The following PACRG variants were observed in gnomAD, a reference collection of about 807,000 sequenced individuals.
The protein encoded by PACRG is parkin coregulated gene protein.
In PACRG, 29 loss-of-function variants were observed where a neutral mutation model predicts 29.7. The ratio of observed to expected loss-of-function variants is 0.98; its 90% CI spans 0.73 to 1.33. The LOEUF (loss-of-function observed/expected upper bound fraction) is 1.33. Among genes scored for constraint, PACRG ranks in the 40% most tolerant of loss-of-function variants. PACRG has a pLI of 0.00. For synonymous variants in PACRG, 116 were observed against 118.7 expected (o/e 0.98, Z 0.15); for missense variants, 279 against 316.2 (o/e 0.88, Z 0.89).
At chr6:163,254,325 A>C (rs1454939637) in intron 4 of PACRG, among the ~76,000 whole-genome samples, 1 of 152,084 alleles carries the variant, frequency 6.6e-6, no homozygotes, top group Non-Finnish European at 1.5e-5. Context: ...AAGGGGGAGG[A>C]GGATGGGAGG....
At chr6:162,859,278 T>G (rs1028751569) in intron 2 of PACRG, among the ~76,000 whole-genome samples, 1 of 152,210 alleles carries the variant, frequency 6.6e-6, no homozygotes, top group Admixed American at 6.5e-5. Flanking sequence ...AACATCTAAT[T>G]ATTGGTTTTA....
In PACRG at chr6:162,747,364, AC is replaced by A. The variant is rs1781105412; in HGVS notation, c.156+18974del. On this transcript the variant is annotated intron_variant, in intron 1 of 4. Coordinates refer to ENST00000366888, the MANE Select transcript of PACRG (RefSeq NM_001080379.2). ...TATATATATATATATATATATATAT[AC>A]ACATACATATATATGTATATATATG... Among the ~76,000 whole-genome samples, 32 of 45,122 alleles carry A rather than the reference AC, an allele frequency of 7.1e-4. 3 individuals carry two copies. The highest frequency in any genetic ancestry group is 2.5e-3 in the Admixed American group (8 of 3,186). The allele number at this position is 45,122 out of a possible 152,430, so 29.6% of individuals were successfully genotyped here. A position where few individuals can be genotyped will look rare whatever the true frequency, so the allele number is the denominator to read the frequency against.
chr6:162,728,797 G>A (rs138342700), intron 1 of PACRG, among the ~76,000 whole-genome samples: 5 of 152,220 alleles, frequency 3.3e-5, no homozygotes, highest in Non-Finnish European at 5.9e-5. Flanking sequence ...ATATACAACC[G>A]GGAACATAAA....
intron 4 of PACRG, among the ~76,000 whole-genome samples, chr6:163,238,611 A>G (rs980821378): frequency 1.3e-5 from 2 of 152,238 alleles, no homozygotes; most frequent in African/African-American, 4.8e-5. Flanking sequence ...ACTGCCCCAC[A>G]TGGGGCATTT....
At chr6:162,975,445 C>T (rs1162473122) in intron 2 of PACRG, among the ~76,000 whole-genome samples, 1 of 152,240 alleles carries the variant, frequency 6.6e-6, no homozygotes, top group Non-Finnish European at 1.5e-5. Context: ...CTCTTTACCA[C>T]AAATTCCTTG....
chr6:162,819,091 G>T (rs1787608045), intron 2 of PACRG, among the ~76,000 whole-genome samples: 1 of 152,102 alleles, frequency 6.6e-6, no homozygotes, highest in South Asian at 2.1e-4. Context: ...CTGCGTTCTT[G>T]TTTTTTCTTC....
At chr6:162,889,770 A>G (rs904196330) in intron 2 of PACRG, among the ~76,000 whole-genome samples, 1 of 152,244 alleles carries the variant, frequency 6.6e-6, no homozygotes, top group African/African-American at 2.4e-5. Flanking sequence ...CATTTCAGTT[A>G]CTTCCAAGAC....
chr6:163,075,697 T>C (rs1268243569), intron 3 of PACRG, among the ~76,000 whole-genome samples: 1 of 152,224 alleles, frequency 6.6e-6, no homozygotes, highest in Non-Finnish European at 1.5e-5. Context: ...TAACATTCAT[T>C]CATGTATTTA....
intron 2 of PACRG, among the ~76,000 whole-genome samples, chr6:162,970,350 G>A (rs1649791876): frequency 6.6e-6 from 1 of 152,138 alleles, no homozygotes; most frequent in Admixed American, 6.5e-5. Flanking sequence ...TTTCGGAGCT[G>A]CTGTGGGAAT....
At chr6:162,786,303 G>A (rs1784462821) in intron 1 of PACRG, among the ~76,000 whole-genome samples, 1 of 152,184 alleles carries the variant, frequency 6.6e-6, no homozygotes, top group South Asian at 2.1e-4. Flanking sequence ...TGGAGATTTG[G>A]TTAAGAGATT....
intron 2 of PACRG, among the ~76,000 whole-genome samples, chr6:162,923,884 A>C (rs1268198605): frequency 2.0e-5 from 3 of 151,982 alleles, no homozygotes; most frequent in Non-Finnish European, 2.9e-5. Context: ...GTTCCATATA[A>C]ATTTTATGAT....
Position 162,947,613 on chromosome 6 carries a change from T to TATATATATAATC in PACRG, c.292-114528_292-114527insATCATATATATA, listed in dbSNP as rs1562767284. Reference sequence around the variant, plus strand: ...ATATAATCATATATATATATAATCATATATATATATATATATATATATATA... The same window carrying TATATATATAATC: ...ATATAATCATATATATATATAATCATATATATATAATCATATATATATATATATATATATATA... On this transcript the variant is annotated intron_variant, in intron 2 of 4. Transcript: ENST00000366888. Among the ~76,000 whole-genome samples the TATATATATAATC allele has an allele frequency of 5.2e-3, 77 of 14,878 alleles. 2 individuals carry two copies. The highest frequency in any genetic ancestry group is 0.016 in the African/African-American group (74 of 4,718). The allele number at this position is 14,878 out of a possible 152,430, so 9.8% of individuals were successfully genotyped here. A position where few individuals can be genotyped will look rare whatever the true frequency, so the allele number is the denominator to read the frequency against.
At chr6:162,747,335 T>TAC (rs1562555979) in intron 1 of PACRG, among the ~76,000 whole-genome samples, 1 of 71,186 alleles carries the variant, frequency 1.4e-5, no homozygotes, top group African/African-American at 6.6e-5. Flanking sequence ...CATATATATA[T>TAC]ATATATATAT....
chr6:162,755,271 A>C (rs542121519), intron 1 of PACRG, among the ~76,000 whole-genome samples: 1 of 151,370 alleles, frequency 6.6e-6, no homozygotes, highest in Admixed American at 6.6e-5. Flanking sequence ...ATTATCTTTT[A>C]GTTTCTAATT....
In PACRG at chr6:163,074,663, G is replaced by A. The variant is rs138180581; in HGVS notation, c.463+12342G>A. 5.8e-4 allele frequency among the ~76,000 whole-genome samples: 88 copies of A among 152,138 alleles called. 3 individuals are homozygous for A. The East Asian group carries it at 0.017, about 29-fold the overall frequency. ...GCATGCCTGTAACAAAATACATATT[G>A]TAACCTATAAATATATATACCTACT... is the stretch of plus-strand genomic sequence containing the variant. On this transcript the variant is annotated intron_variant, in intron 3 of 4. Coordinates refer to ENST00000366888, the MANE Select transcript of PACRG (RefSeq NM_001080379.2).
intron 2 of PACRG, chr6:162,891,956 C>T (rs1794793329): frequency 1.3e-5 from 2 of 152,336 alleles, no homozygotes; most frequent in Admixed American, 1.3e-4. Flanking sequence ...CTGCCACTCA[C>T]TGCATGCAGG....
At chr6:163,028,935 G>T (rs1190845215) in intron 2 of PACRG, among the ~76,000 whole-genome samples, 1 of 152,182 alleles carries the variant, frequency 6.6e-6, no homozygotes. Flanking sequence ...TGAACATGCC[G>T]TCCTACACAG....
chr6:163,084,400 G>A (rs937779293), intron 3 of PACRG, among the ~76,000 whole-genome samples: 1 of 152,198 alleles, frequency 6.6e-6, no homozygotes, highest in Admixed American at 6.5e-5. Context: ...ACTTCATGGT[G>A]TATCTTAATT....
At chr6:162,742,136 GA>G in intron 1 of PACRG, among the ~76,000 whole-genome samples, 1 of 152,224 alleles carries the variant, frequency 6.6e-6, no homozygotes, top group South Asian at 2.1e-4. Flanking sequence ...TTCCACGTAT[GA>G]TATGGTTTGG....
Sources: allele counts gnomAD v4.1 joint callset (sites outside exome capture counted in the v4.1 genomes callset), GRCh38; gene constraint gnomAD v4.1.1; transcripts MANE v1.5; gene names NCBI Gene and HGNC (gene_info 2026-07-23, HGNC 2026-07-21).